The following FHIT variants were observed in gnomAD, a reference collection of about 807,000 sequenced individuals.
The protein encoded by FHIT is bis(5'-adenosyl)-triphosphatase.
Under a neutral mutation model 17.9 loss-of-function variants are expected in FHIT, and 19 were observed. The ratio of observed to expected loss-of-function variants is 1.06; its 90% CI spans 0.74 to 1.56. The LOEUF is 1.56. FHIT is among the 40% of genes most tolerant of loss of function. FHIT has a pLI of 0.00. For missense variants in FHIT, 248 were observed against 189.2 expected (o/e 1.31, Z -1.82); for synonymous variants, 81 against 69.7 (o/e 1.16, Z -0.81).
At chr3:59,950,380 C>T (rs1275179588) in intron 7 of FHIT, among the ~76,000 whole-genome samples, 4 of 152,136 alleles carry the variant, frequency 2.6e-5, no homozygotes, top group African/African-American at 7.2e-5. Context: ...AGCCACCTGA[C>T]CTTGCTTTGC....
chr3:61,209,774 G>A lies in FHIT; in HGVS notation c.-212-9109C>T, dbSNP rs191899707. On this transcript the variant is annotated intron_variant, in intron 1 of 9. Transcript: ENST00000492590. Reference sequence around the variant, plus strand: ...TGGTTCGAACTTCCTCCTTTAGCTCGGAGTAGTTTGATCATCTGAAGCCTT... The same window carrying A: ...TGGTTCGAACTTCCTCCTTTAGCTCAGAGTAGTTTGATCATCTGAAGCCTT... Among the ~76,000 whole-genome samples, 50 of 152,158 alleles carry A rather than the reference G, an allele frequency of 3.3e-4. 1 individual carries two copies. Among genetic ancestry groups the A allele is most frequent in the South Asian group, 2.1e-3 (10 of 4,812 alleles).
intron 8 of FHIT, among the ~76,000 whole-genome samples, chr3:59,871,732 T>C (rs1702933585): frequency 6.6e-6 from 1 of 152,222 alleles, no homozygotes; most frequent in Non-Finnish European, 1.5e-5. Flanking sequence ...CTGGATACCC[T>C]TGGATAGATT....
At chr3:61,010,292 T>C (rs1193388558) in intron 3 of FHIT, among the ~76,000 whole-genome samples, 2 of 152,212 alleles carry the variant, frequency 1.3e-5, no homozygotes, top group African/African-American at 4.8e-5. Context: ...TACATTTAAC[T>C]CAACTGATCC....
At chr3:60,820,260 A>T (rs1354844541) in intron 4 of FHIT, among the ~76,000 whole-genome samples, 1 of 152,176 alleles carries the variant, frequency 6.6e-6, no homozygotes, top group Non-Finnish European at 1.5e-5. Flanking sequence ...GTTAGCTGAG[A>T]TCACACCATT....
chr3:61,156,131 G>GA (rs2037527486), intron 2 of FHIT, among the ~76,000 whole-genome samples: 1 of 152,184 alleles, frequency 6.6e-6, no homozygotes, highest in Non-Finnish European at 1.5e-5. Context: ...AGGTCTCTCA[G>GA]AACCTTGCAT....
At chr3:59,778,983 G>T (rs1702453267) in intron 8 of FHIT, among the ~76,000 whole-genome samples, 1 of 152,126 alleles carries the variant, frequency 6.6e-6, no homozygotes, top group African/African-American at 2.4e-5. Context: ...ACTCAAAGTG[G>T]CTAATGCCTA....
intron 5 of FHIT, among the ~76,000 whole-genome samples, chr3:60,232,753 G>A (rs1704562920): frequency 6.6e-6 from 1 of 152,114 alleles, no homozygotes; most frequent in African/African-American, 2.4e-5. Context: ...ACACAGACAA[G>A]GAGACCTGAG....
At chr3:60,037,641 C>T (rs1701274092) in intron 5 of FHIT, among the ~76,000 whole-genome samples, 1 of 151,912 alleles carries the variant, frequency 6.6e-6, no homozygotes, top group Admixed American at 6.6e-5. Flanking sequence ...CTTGGCCTCT[C>T]AAAGTGCTGG....
intron 3 of FHIT, among the ~76,000 whole-genome samples, chr3:60,880,656 C>T (rs1553757709): frequency 2.0e-5 from 3 of 152,164 alleles, no homozygotes; most frequent in African/African-American, 4.8e-5. Context: ...CACTTGTACC[C>T]AGGAGGTGGA....
At chr3:60,996,781 G>A (rs1256895829) in intron 3 of FHIT, among the ~76,000 whole-genome samples, 1 of 152,178 alleles carries the variant, frequency 6.6e-6, no homozygotes, top group Admixed American at 6.5e-5. Context: ...AGAATGCTTT[G>A]AATAAAGTTA....
intron 5 of FHIT, among the ~76,000 whole-genome samples, chr3:60,262,602 C>G (rs1165327550): frequency 3.9e-5 from 6 of 151,946 alleles, no homozygotes; most frequent in Non-Finnish European, 1.5e-5. Context: ...CAGAAAGAGA[C>G]CCAACCCTTT....
intron 5 of FHIT, among the ~76,000 whole-genome samples, chr3:60,165,019 A>G (rs190869872): frequency 2.0e-5 from 3 of 152,302 alleles, no homozygotes; most frequent in Non-Finnish European, 2.9e-5. Flanking sequence ...TTAATTTCCT[A>G]GGCAGTTTAG....
chr3:61,211,929 G>T (rs969064287), intron 1 of FHIT, among the ~76,000 whole-genome samples: 1 of 152,224 alleles, frequency 6.6e-6, no homozygotes, highest in Non-Finnish European at 1.5e-5. Context: ...AACTCCAACA[G>T]TCCTGCAGCT....
At chr3:60,762,587 G>T (rs533313810) in intron 4 of FHIT, among the ~76,000 whole-genome samples, 2 of 152,328 alleles carry the variant, frequency 1.3e-5, no homozygotes, top group South Asian at 4.1e-4. Flanking sequence ...CTAGCAGTAT[G>T]TGACAGTTAA....
chr3:61,040,783 C>T (rs1315476637), intron 3 of FHIT, among the ~76,000 whole-genome samples: 1 of 152,186 alleles, frequency 6.6e-6, no homozygotes, highest in Non-Finnish European at 1.5e-5. Context: ...TCCTTCAAAT[C>T]ATATGGCAAC....
At chr3:59,827,638 A>C (rs1228266022) in intron 8 of FHIT, among the ~76,000 whole-genome samples, 2 of 152,240 alleles carry the variant, frequency 1.3e-5, no homozygotes, top group Non-Finnish European at 2.9e-5. Context: ...AGCACAGGGC[A>C]GTAAAGGGAC....
Position 60,014,071 on chromosome 3 carries a change from G to A in FHIT, c.185C>T (p.Thr62Ile). 1 of 1,614,024 alleles carries A rather than the reference G, an allele frequency of 6.2e-7. No individual in the cohort carries two copies. The highest frequency in any genetic ancestry group is 8.5e-7 in the Non-Finnish European group (1 of 1,179,942). The change falls in exon 6 of 10, where the codon ACC (threonine) becomes ATC (isoleucine). Residue 62 changes from threonine (T) to isoleucine (I), a missense_variant. Coordinates refer to ENST00000492590, the MANE Select transcript of FHIT (RefSeq NM_002012.4). ...PDEVADLFQT[T>I]QRVGTVVEKH... The stretch of plus-strand genomic sequence containing the variant: ...TTCCACCACTGTCCCGACTCTCTGG[G>A]TCGTCTGAAACAAATCGGCCACTTC...
chr3:60,071,443 G>A (rs1702766223), intron 5 of FHIT, among the ~76,000 whole-genome samples: 1 of 151,988 alleles, frequency 6.6e-6, no homozygotes, highest in African/African-American at 2.4e-5. Flanking sequence ...TGTCTGTATT[G>A]GCCTCTTGAT....
rs189742391 is a variant in FHIT at position 60,564,041 on chromosome 3, A to G, written c.-17-27062T>C. On this transcript the variant is annotated intron_variant, in intron 4 of 9. Coordinates refer to ENST00000492590, the MANE Select transcript of FHIT (RefSeq NM_002012.4). ...GTTAGTGCCTGGCTTCAAAGCTTCA[A>G]TGAACAAACTGAATCTCTTGTTAGG... 2.1e-3 allele frequency among the ~76,000 whole-genome samples: 324 copies of G among 152,286 alleles called. 1 individual carries two copies. Among genetic ancestry groups the G allele is most frequent in the African/African-American group, 7.4e-3 (309 of 41,580 alleles).
Sources: gnomAD v4.1 joint callset for allele counts (sites outside exome capture counted in the v4.1 genomes callset) on GRCh38, gnomAD v4.1.1 for gene constraint, MANE v1.5 for transcripts, NCBI Gene and HGNC (gene_info 2026-07-23, HGNC 2026-07-21) for gene names.